Variants in MPP4 observed in about 807,000 individuals in gnomAD.
MPP4 encodes the protein MAGUK p55 scaffold protein 4.
A neutral mutation model predicts 98.3 loss-of-function variants in MPP4; 91 were observed. That is an observed-to-expected ratio of 0.93 (90% CI 0.78 to 1.10). MPP4 has a LOEUF of 1.10. Ranked by LOEUF, MPP4 falls within the 50% of genes least tolerant of loss-of-function variation. The pLI, the probability that MPP4 is intolerant of heterozygous loss-of-function variation, is 0.00. For missense variants in MPP4, 744 were observed against 792.9 expected (o/e 0.94, Z 0.74); for synonymous variants, 261 against 271.8 (o/e 0.96, Z 0.39).
intron 18 of MPP4, among the ~76,000 whole-genome samples, chr2:201,653,993 T>G (rs1220012937): frequency 6.6e-6 from 1 of 152,042 alleles, no homozygotes; most frequent in African/African-American, 2.4e-5. Context: ...TTTTTTTTTT[T>G]CGAGTCAGAA....
In MPP4 at chr2:201,670,740, G is replaced by A. The variant is rs533311671; in HGVS notation, c.995-990C>T. Among the ~76,000 whole-genome samples the A allele has an allele frequency of 3.3e-5, 5 of 152,344 alleles. No individual in the cohort carries two copies. The South Asian group carries it at 6.2e-4, about 19-fold the overall frequency. On this transcript the variant is annotated intron_variant, in intron 11 of 21. Transcript: ENST00000409474. Reference sequence around the variant, plus strand: ...CTACAAAGATTGTGTCATGAAAAATGTTTCTGATAAGATGTTAAGTGGCTG... The same window carrying A: ...CTACAAAGATTGTGTCATGAAAAATATTTCTGATAAGATGTTAAGTGGCTG...
intron 21 of MPP4, among the ~76,000 whole-genome samples, chr2:201,645,933 A>G (rs1366099768): frequency 1.3e-5 from 2 of 152,214 alleles, no homozygotes; most frequent in East Asian, 3.8e-4. Flanking sequence ...GTCATCCTTT[A>G]TTTCTTAGAA....
Position 201,645,091 on chromosome 2 carries a change from T to C in MPP4, c.*119A>G, listed in dbSNP as rs3754932. 0.51 allele frequency: 426,043 copies of C among 842,926 alleles called. 109,663 individuals are homozygous for C. The highest frequency in any genetic ancestry group is 0.7 in the East Asian group (22,650 of 32,356). The allele number at this position is 842,926 out of a possible 1,614,324, so 52.2% of individuals were successfully genotyped here. A position where few individuals can be genotyped will look rare whatever the true frequency, so the allele number is the denominator to read the frequency against. On this transcript the variant is annotated 3_prime_UTR_variant, in exon 22 of 22. Transcript: ENST00000409474. ...TTTTCAAATAAGATTAATTAATAAA[T>C]TGCTGCACTTTTAAAGTTGTACACA...
chr2:201,693,118 T>C, intron 2 of MPP4, 89 bp from the exon 3 acceptor site: 1 of 1,436,208 alleles, frequency 7.0e-7, no homozygotes, highest in Non-Finnish European at 9.4e-7. Flanking sequence ...CCATGGGGTC[T>C]CACCAGGAGT....
chr2:201,659,251 T>A (rs773379425), intron 15 of MPP4, among the ~76,000 whole-genome samples: 4 of 152,100 alleles, frequency 2.6e-5, no homozygotes, highest in Non-Finnish European at 5.9e-5. Context: ...TTAATCTCTT[T>A]GCTAGATATG....
At chr2:201,661,287 A>T (rs1688018237) in intron 14 of MPP4, among the ~76,000 whole-genome samples, 1 of 151,550 alleles carries the variant, frequency 6.6e-6, no homozygotes, top group Non-Finnish European at 1.5e-5. Context: ...CCTCCTGGGG[A>T]AATTCAAGGA....
chr2:201,679,491 G>A (rs1396751580), intron 10 of MPP4, among the ~76,000 whole-genome samples: 1 of 152,122 alleles, frequency 6.6e-6, no homozygotes, highest in Non-Finnish European at 1.5e-5. Context: ...AGTTAGGAGA[G>A]AACTTCCACA....
At position 201,685,114 on chromosome 2, in the gene MPP4, C is replaced by T; in HGVS notation, c.524G>A (p.Gly175Glu). Residue 175 changes from glycine to glutamate, a missense_variant, in exon 7 of 22, where the codon GGG (glycine) becomes GAG (glutamate). Transcript: ENST00000409474. ...GATGATCCTGGCCACCAAGATGTCC[C>T]CTGTCATCTCGTGGCGCTTGATGGT... Reference protein sequence around the residue: ...GATIKRHEMTGDILVARIIHG... With the variant: ...GATIKRHEMTEDILVARIIHG... 6.2e-7 allele frequency: 1 copy of T among 1,611,932 alleles called. No homozygotes were observed. Among genetic ancestry groups the T allele is most frequent in the African/African-American group, 1.3e-5 (1 of 74,972 alleles).
intron 1 of MPP4, among the ~76,000 whole-genome samples, chr2:201,695,737 C>A (rs116039301): frequency 1.3e-5 from 2 of 152,092 alleles, no homozygotes; most frequent in African/African-American, 4.8e-5. Flanking sequence ...AAGAGCTCTT[C>A]CCAGAGAGCA....
intron 8 of MPP4, 116 bp downstream of exon 8, chr2:201,682,715 T>G: frequency 1.2e-6 from 1 of 802,650 alleles, no homozygotes; most frequent in Non-Finnish European, 2.0e-6. Flanking sequence ...GGGAGAAAGC[T>G]GCCAAGAGAA....
chr2:201,645,470 T>G, intron 21 of MPP4, 66 bp from the exon 22 acceptor site: 2 of 1,334,774 alleles, frequency 1.5e-6, no homozygotes, highest in African/African-American at 2.9e-5. Flanking sequence ...AAATACAGTT[T>G]GTTATGCTGT....
chr2:201,649,507 G>T (rs919565892), intron 20 of MPP4, 69 bp downstream of exon 20: 1 of 1,116,208 alleles, frequency 9.0e-7, no homozygotes, highest in Non-Finnish European at 1.3e-6. Context: ...ATAACCTACA[G>T]CATGTGCACA....
intron 10 of MPP4, among the ~76,000 whole-genome samples, chr2:201,676,654 C>G (rs1688514796): frequency 6.6e-6 from 1 of 152,336 alleles, no homozygotes; most frequent in East Asian, 1.9e-4. Context: ...AATCCCAGCA[C>G]TTTGGGAGGC....
chr2:201,675,055 AATCTAGGGCCCTTCAAGGAG>A (rs890176281), intron 11 of MPP4, 132 bp downstream of exon 11: 1 of 885,792 alleles, frequency 1.1e-6, no homozygotes, highest in Non-Finnish European at 1.8e-6. Context: ...AAAAACCCCT[AATCTAGGGCCCTTCAAGGAG>A]ATTGATTTAA....
chr2:201,698,614 T>G lies in MPP4; in HGVS notation c.-128A>C. The G allele has an allele frequency of 7.7e-7, 1 of 1,303,742 alleles. No homozygotes were observed. The allele number at this position is 1,303,742 out of a possible 1,614,324, so 80.8% of individuals were successfully genotyped here. On this transcript the variant is annotated 5_prime_UTR_variant, in exon 1 of 22. Coordinates refer to ENST00000409474, the MANE Select transcript of MPP4 (RefSeq NM_033066.3). ...GCAAGACTGTAAACATGCATGTTGC[T>G]CCTATCCAGACAAAAGCTTTAGTAG...
chr2:201,666,277 A>G (rs954484596), intron 13 of MPP4, 57 bp downstream of exon 13: 3 of 1,452,166 alleles, frequency 2.1e-6, no homozygotes, highest in South Asian at 1.3e-5. Context: ...CAGATAATCT[A>G]TAATTGACAT....
intron 1 of MPP4, among the ~76,000 whole-genome samples, chr2:201,697,174 A>C (rs1689213944): frequency 6.6e-6 from 1 of 152,226 alleles, no homozygotes; most frequent in Non-Finnish European, 1.5e-5. Context: ...CCCTCGCAAG[A>C]ACCCAACCAT....
intron 17 of MPP4, 60 bp downstream of exon 17, chr2:201,656,138 C>T: frequency 6.7e-7 from 1 of 1,490,504 alleles, no homozygotes; most frequent in East Asian, 2.5e-5. Context: ...ATGCAAGACA[C>T]CTGAATCTAG....
chr2:201,674,360 G>T (rs531956149), intron 11 of MPP4, among the ~76,000 whole-genome samples: 1 of 152,328 alleles, frequency 6.6e-6, no homozygotes, highest in South Asian at 2.1e-4. Flanking sequence ...TCCAAAGAAG[G>T]AATGTCAACG....
Sources: gnomAD v4.1 joint callset for allele counts (sites outside exome capture counted in the v4.1 genomes callset) on GRCh38, gnomAD v4.1.1 for gene constraint, MANE v1.5 for transcripts, NCBI Gene and HGNC (gene_info 2026-07-23, HGNC 2026-07-21) for gene names.